PLPPR1: variants seen among roughly 807,000 people sequenced by gnomAD.
The protein encoded by PLPPR1 is phospholipid phosphatase-related protein type 1.
PLPPR1 carries 10 observed loss-of-function variants against 33.1 expected under a neutral mutation model. The ratio of observed to expected loss-of-function variants is 0.30; its 90% CI spans 0.19 to 0.51. PLPPR1 has a LOEUF of 0.51. PLPPR1 is among the 20% of genes least tolerant of loss of function. PLPPR1 has a pLI of 0.97. For missense variants in PLPPR1, 304 were observed against 408.1 expected (o/e 0.74, Z 2.20); for synonymous variants, 151 against 151.0 (o/e 1.00, Z 0.00).
intron 1 of PLPPR1, among the ~76,000 whole-genome samples, chr9:101,076,697 T>A (rs1830541655): frequency 6.6e-6 from 1 of 152,204 alleles, no homozygotes; most frequent in Non-Finnish European, 1.5e-5. Flanking sequence ...TGGAATATAA[T>A]TAGGAGAGTT....
chr9:101,244,259 T>G (rs1326036562), intron 2 of PLPPR1, among the ~76,000 whole-genome samples: 2 of 151,742 alleles, frequency 1.3e-5, no homozygotes, highest in Non-Finnish European at 2.9e-5. Context: ...ACAGATTGAG[T>G]AAAGGCAGTA....
intron 2 of PLPPR1, among the ~76,000 whole-genome samples, chr9:101,247,077 A>G (rs187976358): frequency 6.6e-6 from 1 of 152,108 alleles, no homozygotes; most frequent in East Asian, 1.9e-4. Flanking sequence ...GCATGTGTAT[A>G]TGGGAGGTCT....
intron 2 of PLPPR1, among the ~76,000 whole-genome samples, chr9:101,200,500 T>A (rs916619419): frequency 2.0e-5 from 3 of 152,186 alleles, no homozygotes; most frequent in Non-Finnish European, 2.9e-5. Flanking sequence ...CAAAACTAGG[T>A]GATACGATTT....
chr9:101,075,780 A>G (rs1163805853), intron 1 of PLPPR1, among the ~76,000 whole-genome samples: 2 of 152,150 alleles, frequency 1.3e-5, no homozygotes, highest in African/African-American at 4.8e-5. Flanking sequence ...TCAGATAGAG[A>G]TGAGTGCCAG....
chr9:101,290,693 G>A (rs1828481308), intron 4 of PLPPR1, among the ~76,000 whole-genome samples: 2 of 152,050 alleles, frequency 1.3e-5, no homozygotes, highest in Admixed American at 6.5e-5. Flanking sequence ...AAAAAATGAG[G>A]CCATTATAAG....
intron 2 of PLPPR1, among the ~76,000 whole-genome samples, chr9:101,214,980 G>T (rs1182052907): frequency 6.7e-6 from 1 of 148,898 alleles, no homozygotes; most frequent in Non-Finnish European, 1.5e-5. Flanking sequence ...CTGAGATCAC[G>T]CCACTGCACT....
At chr9:101,180,339 T>C (rs935207542) in intron 1 of PLPPR1, among the ~76,000 whole-genome samples, 7 of 150,798 alleles carry the variant, frequency 4.6e-5, no homozygotes, top group African/African-American at 1.7e-4. Context: ...ATAGATTCAA[T>C]GAAATCCCTA....
At chr9:101,043,838 C>A (rs1830112403) in intron 1 of PLPPR1, among the ~76,000 whole-genome samples, 1 of 151,978 alleles carries the variant, frequency 6.6e-6, no homozygotes, top group South Asian at 2.1e-4. Context: ...TGATAATGGC[C>A]ATTCTTGAGG....
chr9:101,040,774 A>T (rs1457964311), intron 1 of PLPPR1, among the ~76,000 whole-genome samples: 1 of 152,102 alleles, frequency 6.6e-6, no homozygotes, highest in African/African-American at 2.4e-5. Flanking sequence ...TTACTTGTTT[A>T]TTTGTGACCG....
chr9:101,067,049 G>C (rs1462674279), intron 1 of PLPPR1, among the ~76,000 whole-genome samples: 4 of 152,078 alleles, frequency 2.6e-5, no homozygotes, highest in African/African-American at 9.7e-5. Flanking sequence ...CTGAGATAGA[G>C]AGCTAGTAAA....
At chr9:101,218,680 T>A (rs1217493594) in intron 2 of PLPPR1, among the ~76,000 whole-genome samples, 12 of 152,346 alleles carry the variant, frequency 7.9e-5, no homozygotes, top group African/African-American at 2.6e-4. Flanking sequence ...GTTTATTTCA[T>A]TTTTAGTTCA....
chr9:101,066,491 T>C (rs1830416489), intron 1 of PLPPR1, among the ~76,000 whole-genome samples: 2 of 152,062 alleles, frequency 1.3e-5, no homozygotes, highest in Non-Finnish European at 2.9e-5. Context: ...ATTTAAGTTA[T>C]TTGGAATTCT....
chr9:101,162,567 T>C (rs1160579806), intron 1 of PLPPR1, among the ~76,000 whole-genome samples: 1 of 152,062 alleles, frequency 6.6e-6, no homozygotes, highest in East Asian at 1.9e-4. Flanking sequence ...CTCTTCCTCC[T>C]TTTTAGAGCC....
chr9:101,158,173 A>G (rs1369639087), intron 1 of PLPPR1, among the ~76,000 whole-genome samples: 3 of 152,202 alleles, frequency 2.0e-5, no homozygotes, highest in Non-Finnish European at 4.4e-5. Context: ...AAAAGCTTCA[A>G]TAGAGAAATG....
intron 2 of PLPPR1, among the ~76,000 whole-genome samples, chr9:101,202,891 A>C (rs1440235064): frequency 2.6e-5 from 4 of 152,212 alleles, no homozygotes; most frequent in African/African-American, 4.8e-5. Flanking sequence ...AATCTCAGAA[A>C]ACCCTCAGGC....
intron 1 of PLPPR1, among the ~76,000 whole-genome samples, chr9:101,103,271 T>C (rs1425431534): frequency 9.2e-6 from 1 of 108,424 alleles, no homozygotes; most frequent in South Asian, 3.7e-4. Flanking sequence ...AGGGTTTTTA[T>C]GGTTTTAGGT....
At chr9:101,226,263 T>C (rs995525877) in intron 2 of PLPPR1, among the ~76,000 whole-genome samples, 5 of 152,144 alleles carry the variant, frequency 3.3e-5, no homozygotes, top group African/African-American at 1.2e-4. Context: ...GTGTGTTGAT[T>C]CCCCTCCCCC....
intron 2 of PLPPR1, among the ~76,000 whole-genome samples, chr9:101,237,591 TGTATTCCATTTTATAGATGAGTA>T (rs970929373): frequency 2.0e-5 from 3 of 149,490 alleles, no homozygotes; most frequent in African/African-American, 7.3e-5. Flanking sequence ...TATTCCATTG[TGTATTCCATTTTATAGATGAGTA>T]GTATTCCATT....
At chr9:101,316,968 A>G (rs1829065421) in intron 6 of PLPPR1, among the ~76,000 whole-genome samples, 1 of 151,944 alleles carries the variant, frequency 6.6e-6, no homozygotes, top group Non-Finnish European at 1.5e-5. Context: ...AGATAATAGT[A>G]CCTCCCTTAT....
Sources: gnomAD v4.1 joint callset for allele counts (sites outside exome capture counted in the v4.1 genomes callset) on GRCh38, gnomAD v4.1.1 for gene constraint, MANE v1.5 for transcripts, NCBI Gene and HGNC (gene_info 2026-07-23, HGNC 2026-07-21) for gene names.